The following TENM3 variants were observed in gnomAD, a reference collection of about 807,000 sequenced individuals.
TENM3 encodes teneurin transmembrane protein 3, also known as teneurin-3.
Under a neutral mutation model 255.1 loss-of-function variants are expected in TENM3, and 63 were observed. The observed-to-expected ratio is 0.25, with a 90% CI of 0.20 to 0.30. The LOEUF (loss-of-function observed/expected upper bound fraction) is 0.30. Ranked by LOEUF, TENM3 falls within the 10% of genes least tolerant of loss-of-function variation. The probability of loss-of-function intolerance (pLI) is 1.00; values close to 1 mark genes in which losing one functional copy is unlikely to be tolerated. For missense variants in TENM3, 2,929 were observed against 3,461.1 expected (o/e 0.85, Z 3.86); for synonymous variants, 1,306 against 1,322.3 (o/e 0.99, Z 0.27).
chr4:182,271,404 A>G (rs1305580579), intron 1 of TENM3, among the ~76,000 whole-genome samples: 1 of 152,144 alleles, frequency 6.6e-6, no homozygotes, highest in Non-Finnish European at 1.5e-5. Flanking sequence ...CCCCCTTGCA[A>G]TCATCGGTAA....
intron 22 of TENM3, among the ~76,000 whole-genome samples, chr4:182,764,155 T>A (rs1425820256): frequency 6.6e-6 from 1 of 152,218 alleles, no homozygotes; most frequent in African/African-American, 2.4e-5. Context: ...GCAAACAGAT[T>A]GACAAATTAT....
intron 19 of TENM3, among the ~76,000 whole-genome samples, chr4:182,751,408 A>C (rs1421867972): frequency 2.0e-5 from 3 of 152,206 alleles, no homozygotes. Context: ...TGATGGAGAC[A>C]TGCTTCCCCT....
intron 3 of TENM3, 66 bp downstream of exon 3, chr4:182,346,995 C>CA (rs1554053257): frequency 5.9e-6 from 5 of 846,716 alleles, no homozygotes; most frequent in African/African-American, 1.7e-5. Flanking sequence ...GTTGACTCCG[C>CA]GGGGGGGGAT....
chr4:182,363,585 A>G (rs916820814), intron 3 of TENM3, among the ~76,000 whole-genome samples: 1 of 152,132 alleles, frequency 6.6e-6, no homozygotes, highest in South Asian at 2.1e-4. Context: ...ATCAGATTTA[A>G]GTTTTTAATG....
rs1211231420 is a variant in TENM3, at chr4:182,799,627, G to A, written c.7376G>A (p.Arg2459Gln). The A allele has an allele frequency of 2.6e-6, 4 of 1,544,188 alleles. No individual in the cohort carries two copies. Among genetic ancestry groups the A allele is most frequent in the Non-Finnish European group, 3.5e-6 (4 of 1,146,572 alleles). Residue 2459 changes from arginine to glutamine, a missense_variant, in exon 28 of 28, where the codon CGG (arginine) becomes CAG (glutamine). Arg to Gln is a conservative substitution (Grantham distance 43). Transcript: ENST00000511685. The surrounding 1 kb of genome is among the most constrained non-coding windows in gnomAD (Gnocchi z 4.2). Reference sequence around the variant, plus strand: ...TTCGGAGTCCAGCAGCAAGTGGCGCGGCAGGCCAAGGCCTTCCTGTCGCTG... The same window carrying A: ...TTCGGAGTCCAGCAGCAAGTGGCGCAGCAGGCCAAGGCCTTCCTGTCGCTG... ...PIFGVQQQVA[R>Q]QAKAFLSLGK...
the TENM3 span, among the ~76,000 whole-genome samples, chr4:181,920,708 CT>C: frequency 6.6e-6 from 1 of 151,432 alleles, no homozygotes. Flanking sequence ...ATGGTAGTTT[CT>C]TTTGCTGTGC....
intron 3 of TENM3, among the ~76,000 whole-genome samples, chr4:182,566,146 T>C (rs1743770579): frequency 6.6e-6 from 1 of 152,250 alleles, no homozygotes; most frequent in African/African-American, 2.4e-5. Context: ...ATTGCACGGC[T>C]TCTTTCCCTT....
At chr4:182,236,871 A>G (rs1756929457) in intron 1 of TENM3, among the ~76,000 whole-genome samples, 1 of 152,228 alleles carries the variant, frequency 6.6e-6, no homozygotes, top group Non-Finnish European at 1.5e-5. Flanking sequence ...TGGGATACAC[A>G]TGCAGGACAT....
Position 182,743,492 on chromosome 4 carries a change from G to A in TENM3, c.3629+73G>A, listed in dbSNP as rs1050338749. On this transcript the variant is annotated intron_variant, in intron 19 of 27. Transcript: ENST00000511685. The stretch of plus-strand genomic sequence containing the variant: ...CTTTAAAAAAAAGGTTGAGTCTGAT[G>A]TACTGATTTATTCATAGAAAAATAC... The A allele has an allele frequency of 8.6e-6, 13 of 1,511,570 alleles. No homozygotes were observed. The South Asian group carries it at 1.3e-4, about 15-fold the overall frequency. 93.6% of individuals were successfully genotyped at this position (1,511,570 alleles called of 1,614,324 possible).
At chr4:182,238,619 C>G (rs1757037712), upstream of TENM3, among the ~76,000 whole-genome samples, 3 of 152,140 alleles carry the variant, frequency 2.0e-5, no homozygotes, top group African/African-American at 7.2e-5. Flanking sequence ...GACGGGCAGA[C>G]AGCACTCAGT....
At chr4:182,318,018 TTAATC>T (rs1214497043) in intron 1 of TENM3, among the ~76,000 whole-genome samples, 21 of 152,212 alleles carry the variant, frequency 1.4e-4, no homozygotes, top group Admixed American at 9.8e-4. Flanking sequence ...ATTTAGACCT[TTAATC>T]TAAAATGTGT....
chr4:182,680,843 A>G (rs1325301840), intron 10 of TENM3, 106 bp downstream of exon 10: 1 of 856,022 alleles, frequency 1.2e-6, no homozygotes, highest in African/African-American at 1.8e-5. Context: ...TTCCTTTTGA[A>G]AGCAATTTTG....
chr4:182,517,279 A>G (rs1738067329), intron 3 of TENM3, among the ~76,000 whole-genome samples: 1 of 151,522 alleles, frequency 6.6e-6, no homozygotes, highest in Non-Finnish European at 1.5e-5. Flanking sequence ...AAGTGTCGTG[A>G]TTGTTGTCTC....
At chr4:181,605,262 G>A in the TENM3 span, among the ~76,000 whole-genome samples, 1 of 151,450 alleles carries the variant, frequency 6.6e-6, no homozygotes, top group Non-Finnish European at 1.5e-5. Flanking sequence ...TGGCTAACAT[G>A]GTGAAACCCC....
At chr4:182,512,509 G>T (rs1361375836) in intron 3 of TENM3, among the ~76,000 whole-genome samples, 1 of 152,144 alleles carries the variant, frequency 6.6e-6, no homozygotes, top group Non-Finnish European at 1.5e-5. Context: ...AAATAGATGG[G>T]TATGATCAAA....
intron 1 of TENM3, among the ~76,000 whole-genome samples, chr4:182,158,410 T>A (rs937740047): frequency 3.5e-5 from 5 of 143,956 alleles, no homozygotes; most frequent in African/African-American, 5.9e-5. Context: ...TTTGGGAGAC[T>A]GTGAATGAGC....
At chr4:181,502,923 A>G in the TENM3 span, among the ~76,000 whole-genome samples, 209 of 152,300 alleles carry the variant, frequency 1.4e-3, no homozygotes, top group Middle Eastern at 3.4e-3. Context: ...GGCATTCGTC[A>G]TAATTTTCAG....
intron 3 of TENM3, among the ~76,000 whole-genome samples, chr4:182,466,224 C>G (rs941799372): frequency 6.6e-6 from 1 of 152,196 alleles, no homozygotes; most frequent in African/African-American, 2.4e-5. Flanking sequence ...CTTAAAACAA[C>G]AGAATTGTAG....
the TENM3 span, among the ~76,000 whole-genome samples, chr4:181,832,714 C>T: frequency 6.6e-6 from 1 of 152,170 alleles, no homozygotes; most frequent in Non-Finnish European, 1.5e-5. Context: ...TGGATCCTGA[C>T]GAGTCACTCG....
Sources: gnomAD v4.1 joint callset for allele counts (sites outside exome capture counted in the v4.1 genomes callset) on GRCh38, gnomAD v4.1.1 for gene constraint, Gnocchi (gnomAD v3.1) non-coding constraint, MANE v1.5 for transcripts, NCBI Gene and HGNC (gene_info 2026-07-23, HGNC 2026-07-21) for gene names.